The following CLASRP variants were observed in gnomAD, a reference collection of about 807,000 sequenced individuals.
The protein encoded by CLASRP is CLK4-associating serine/arginine rich protein.
A neutral mutation model predicts 99.9 loss-of-function variants in CLASRP; 52 were observed. That is an observed-to-expected ratio of 0.52 (90% CI 0.42 to 0.66). The LOEUF is 0.66. CLASRP is among the 30% of genes least tolerant of loss of function. The pLI, the probability that CLASRP is intolerant of heterozygous loss-of-function variation, is 0.00. For synonymous variants in CLASRP, 379 were observed against 373.0 expected (o/e 1.02, Z -0.18); for missense variants, 848 against 999.2 (o/e 0.85, Z 2.04).
In CLASRP at chr19:45,064,397, C is replaced by CCGCTCCAGCTCT. The variant is rs748646832; in HGVS notation, c.1188_1199dup (p.Ser399_Ser402dup). On this transcript the variant is annotated inframe_insertion, in exon 13 of 21. Transcript: ENST00000221455. ...CTTCTGCCTCGAGGACCTCCAGCTCCCGCTCCAGCTCTCGCTCCAGCTCCC... is the reference window on the plus strand; with the variant it reads ...CTTCTGCCTCGAGGACCTCCAGCTCCCGCTCCAGCTCTCGCTCCAGCTCTCGCTCCAGCTCCC... The CCGCTCCAGCTCT allele has an allele frequency of 1.1e-5, 17 of 1,531,542 alleles. No homozygotes were observed. Among genetic ancestry groups the CCGCTCCAGCTCT allele is most frequent in the Admixed American group, 3.9e-5 (2 of 50,874 alleles). 94.9% of individuals were successfully genotyped at this position (1,531,542 alleles called of 1,614,324 possible). A position where few individuals can be genotyped will look rare whatever the true frequency, so the allele number is the denominator to read the frequency against.
At chr19:45,043,352 C>T (rs1284163927) in intron 2 of CLASRP, among the ~76,000 whole-genome samples, 1 of 134,230 alleles carries the variant, frequency 7.4e-6, no homozygotes, top group Non-Finnish European at 1.5e-5. Context: ...ACAGAGCTTG[C>T]AGTGAGCCGA....
intron 2 of CLASRP, among the ~76,000 whole-genome samples, 190 bp from the exon 3 acceptor site, chr19:45,051,881 T>C (rs1972030124): frequency 6.6e-6 from 1 of 151,704 alleles, no homozygotes; most frequent in South Asian, 2.1e-4. Flanking sequence ...GGCAGGAGAA[T>C]GGCGTGAACC....
intron 15 of CLASRP, 82 bp from the exon 16 acceptor site, chr19:45,068,330 CCGCACAAA>C: frequency 1.5e-6 from 1 of 650,060 alleles, no homozygotes; most frequent in Non-Finnish European, 2.8e-6. Flanking sequence ...CACCCCCCCC[CCGCACAAA>C]GCCCCAGGCT....
At position 45,068,446 on chromosome 19, in the gene CLASRP, G is replaced by A; in HGVS notation, c.1734G>A (p.Leu578=). 6.2e-7 allele frequency: 1 copy of A among 1,613,024 alleles called. No individual in the cohort carries two copies. The highest frequency in any genetic ancestry group is 8.5e-7 in the Non-Finnish European group (1 of 1,179,118). Residue 578 remains leucine (L), a synonymous_variant, in exon 16 of 21, where the codon CTG becomes CTA. Coordinates refer to ENST00000221455, the MANE Select transcript of CLASRP (RefSeq NM_007056.3). ...CCAAGCTGACGCCTCAGGAGAAGCTGAAACTGAGGATGCAGAAGGCGCTGA... is the reference window on the plus strand; with the variant it reads ...CCAAGCTGACGCCTCAGGAGAAGCTAAAACTGAGGATGCAGAAGGCGCTGA... ...AKPKLTPQEK[L]KLRMQKALNR...
intron 2 of CLASRP, among the ~76,000 whole-genome samples, chr19:45,049,463 T>G (rs1255949795): frequency 6.6e-6 from 1 of 152,132 alleles, no homozygotes; most frequent in Non-Finnish European, 1.5e-5. Flanking sequence ...TTAGACTCAG[T>G]TTCTTTAGGT....
At chr19:45,068,398 G>C in intron 15 of CLASRP, 22 bp from the exon 16 acceptor site, 5 of 965,188 alleles carry the variant, frequency 5.2e-6, no homozygotes, top group Non-Finnish European at 7.3e-6. Flanking sequence ...CCCCTCTCCC[G>C]CCTCTTCTCC....
rs372256942 is a variant in CLASRP at position 45,070,865 on chromosome 19, G to A, written c.*20G>A. The A allele has an allele frequency of 6.2e-6, 9 of 1,458,990 alleles. No individual in the cohort carries two copies. Among genetic ancestry groups the A allele is most frequent in the Non-Finnish European group, 8.6e-6 (9 of 1,048,188 alleles). 90.4% of individuals were successfully genotyped at this position (1,458,990 alleles called of 1,614,324 possible). A position where few individuals can be genotyped will look rare whatever the true frequency, so the allele number is the denominator to read the frequency against. On this transcript the variant is annotated 3_prime_UTR_variant, in exon 21 of 21. Transcript: ENST00000221455. ...CATTAGGCAGAAGAGTGGGGGGTGG[G>A]GAGGACAAGGGGGTGGGTAAGGGGC...
rs1029327331 is a variant in CLASRP at position 45,063,600 on chromosome 19, C to T, written c.906-412C>T. On this transcript the variant is annotated intron_variant, in intron 11 of 20. Coordinates refer to ENST00000221455, the MANE Select transcript of CLASRP (RefSeq NM_007056.3). ...TAGCTGGAATTACAGGTGCGCGCCA[C>T]CATGCTCGGCAAATTTTTTTTGTAT... 4.0e-5 allele frequency among the ~76,000 whole-genome samples: 6 copies of T among 151,654 alleles called. 1 individual carries two copies. Among genetic ancestry groups the T allele is most frequent in the South Asian group, 4.2e-4 (2 of 4,812 alleles).
In CLASRP at chr19:45,064,041, G is replaced by A. The variant is rs753014066; in HGVS notation, c.935G>A (p.Arg312His). 2 of 1,611,956 alleles carry A rather than the reference G, an allele frequency of 1.2e-6. No individual in the cohort carries two copies. The highest frequency in any genetic ancestry group is 2.2e-5 in the East Asian group (1 of 44,822). Residue 312 changes from arginine to histidine, a missense_variant, in exon 12 of 21, where the codon CGC (arginine) becomes CAC (histidine). Physicochemically the swap from Arg to His is conservative, Grantham distance 29. Coordinates refer to ENST00000221455, the MANE Select transcript of CLASRP (RefSeq NM_007056.3). Reference sequence around the variant, plus strand: ...CCCTCGGAGTCCAGCTCAGAGTCCCGCTCCCGCTCCCGCTCCCCGACCCCG... The same window carrying A: ...CCCTCGGAGTCCAGCTCAGAGTCCCACTCCCGCTCCCGCTCCCCGACCCCG... ...RSPSESSSES[R>H]SRSRSPTPGR...
intron 2 of CLASRP, among the ~76,000 whole-genome samples, chr19:45,043,131 A>C (rs2122526258): frequency 6.6e-6 from 1 of 152,108 alleles, no homozygotes; most frequent in Non-Finnish European, 1.5e-5. Flanking sequence ...GAATAGACAA[A>C]TATTCCAAAA....
chr19:45,051,341 T>A (rs879026236), intron 2 of CLASRP, among the ~76,000 whole-genome samples: 1 of 151,612 alleles, frequency 6.6e-6, no homozygotes, highest in Non-Finnish European at 1.5e-5. Flanking sequence ...TGAGATGGAG[T>A]CTTGCTCTGT....
intron 2 of CLASRP, among the ~76,000 whole-genome samples, chr19:45,049,126 G>A (rs548063124): frequency 6.6e-6 from 1 of 152,296 alleles, no homozygotes; most frequent in South Asian, 2.1e-4. Flanking sequence ...TGGACTCCTG[G>A]TGTTTACTCC....
chr19:45,052,953 T>C (rs1412679504), intron 4 of CLASRP, 61 bp downstream of exon 4: 8 of 1,542,994 alleles, frequency 5.2e-6, no homozygotes, highest in Non-Finnish European at 7.1e-6. Flanking sequence ...CCTGTTCTTT[T>C]CCCAGCCTAC....
chr19:45,068,318 C>CG, intron 15 of CLASRP, 102 bp from the exon 16 acceptor site: 1 of 637,462 alleles, frequency 1.6e-6, no homozygotes, highest in South Asian at 1.8e-5. Flanking sequence ...TTCTCCCCCC[C>CG]CCACCCCCCC....
chr19:45,052,061 AC>A lies in CLASRP; in HGVS notation c.100-6del. 6.2e-7 allele frequency: 1 copy of A among 1,612,508 alleles called. No homozygotes were observed. The highest frequency in any genetic ancestry group is 8.5e-7 in the Non-Finnish European group (1 of 1,179,030). ...TTGGGTGGTGACCTCAGTCCTGTTTACCCCTGCAGAAGAAGGACCCAGCCCA... is the reference window on the plus strand; with the variant it reads ...TTGGGTGGTGACCTCAGTCCTGTTTACCCTGCAGAAGAAGGACCCAGCCCA... On this transcript the variant is annotated splice_polypyrimidine_tract_variant and intron_variant, in intron 2 of 20. Transcript: ENST00000221455.
At position 45,070,104 on chromosome 19, in the gene CLASRP, A is replaced by G. The variant is rs769132780; in HGVS notation, c.1957A>G (p.Ser653Gly). ...GAGCCGCTCACCCTCCCCCCGATAC[A>G]GTGAGTGTCCCCACCAGGCTGCAGG... ...RQSRSPSPRY[S>G]REYSSSRRRS... Residue 653 changes from serine (S) to glycine (G), a missense_variant and splice_region_variant, in exon 19 of 21, where the codon AGT becomes GGT. Physicochemically the swap from Ser to Gly is moderately conservative, Grantham distance 56. Around this residue, in one of 8 missense-constraint regions of CLASRP, gnomAD observed 116 missense variants for 162.7 expected, o/e 0.71. Coordinates refer to ENST00000221455, the MANE Select transcript of CLASRP (RefSeq NM_007056.3). 6 of 1,558,390 alleles carry G rather than the reference A, an allele frequency of 3.9e-6. No homozygotes were observed. The highest frequency in any genetic ancestry group is 3.3e-5 in the South Asian group (3 of 90,022).
chr19:45,041,147 G>T (rs139161839), intron 2 of CLASRP, among the ~76,000 whole-genome samples: 170 of 151,846 alleles, frequency 1.1e-3, no homozygotes, highest in African/African-American at 3.8e-3. Context: ...TGTGAACCGG[G>T]GAGGGGGGCA....
intron 11 of CLASRP, among the ~76,000 whole-genome samples, chr19:45,063,634 G>C (rs187860491): frequency 5.3e-5 from 8 of 151,196 alleles, no homozygotes; most frequent in African/African-American, 1.5e-4. Flanking sequence ...ATTTTTTGTA[G>C]AGACAGGGTT....
Position 45,070,792 on chromosome 19 carries a change from T to C in CLASRP, c.1983-11T>C, listed in dbSNP as rs1967225011. Reference sequence around the variant, plus strand: ...GCCCCATCCTCACGGCCCCTCCCTTTCTCTTTCCAGGCGCTCAAGGTCCCG... The same window carrying C: ...GCCCCATCCTCACGGCCCCTCCCTTCCTCTTTCCAGGCGCTCAAGGTCCCG... On this transcript the variant is annotated splice_polypyrimidine_tract_variant and intron_variant, in intron 20 of 20. Coordinates refer to ENST00000221455, the MANE Select transcript of CLASRP (RefSeq NM_007056.3). 6.2e-7 allele frequency: 1 copy of C among 1,608,852 alleles called. No individual in the cohort carries two copies. Among genetic ancestry groups the C allele is most frequent in the Non-Finnish European group, 8.5e-7 (1 of 1,177,048 alleles).
Sources: gnomAD v4.1 joint callset for allele counts (sites outside exome capture counted in the v4.1 genomes callset) on GRCh38, gnomAD v4.1.1 for gene constraint, gnomAD v4.1.1 regional missense constraint, MANE v1.5 for transcripts, NCBI Gene and HGNC (gene_info 2026-07-23, HGNC 2026-07-21) for gene names.